CNOT6L: variants seen among roughly 807,000 people sequenced by gnomAD.
CNOT6L encodes CCR4-NOT transcription complex subunit 6-like.
A neutral mutation model predicts 64.0 loss-of-function variants in CNOT6L; 7 were observed. The observed-to-expected ratio is 0.11, with a 90% confidence interval of 0.06 to 0.21. CNOT6L has a LOEUF of 0.21. Among genes scored for constraint, CNOT6L ranks in the 10% least tolerant of loss-of-function variants. The probability of loss-of-function intolerance (pLI) is 1.00; values close to 1 mark genes in which losing one functional copy is unlikely to be tolerated. For missense variants in CNOT6L, 245 were observed against 669.0 expected (o/e 0.37, Z 6.99); for synonymous variants, 193 against 243.4 (o/e 0.79, Z 1.93).
Position 77,759,804 on chromosome 4 carries a change from G to C in CNOT6L, c.401-2853C>G, listed in dbSNP as rs181386814. ...AAACAGAACACTATCAACCAACTTG[G>C]CCTATTATTTACATAATACTCCACT... On this transcript the variant is annotated intron_variant, in intron 4 of 11. Transcript: ENST00000504123. Among the ~76,000 whole-genome samples, 11 of 152,088 alleles carry C rather than the reference G, an allele frequency of 7.2e-5. No homozygotes were observed. In the East Asian group the frequency reaches 2.1e-3, roughly 29 times the overall value.
Position 77,795,261 on chromosome 4 carries a change from C to T in CNOT6L, c.6-18869G>A, listed in dbSNP as rs149963404. On this transcript the variant is annotated intron_variant, in intron 1 of 11. Coordinates refer to ENST00000504123, the MANE Select transcript of CNOT6L (RefSeq NM_144571.3). Reference sequence around the variant, plus strand: ...CTCGAGCTCCTGACCTCAGGTGATCCACCCACCTCGGCCTCCCAAAGTGCT... The same window carrying T: ...CTCGAGCTCCTGACCTCAGGTGATCTACCCACCTCGGCCTCCCAAAGTGCT... 5.5e-3 allele frequency among the ~76,000 whole-genome samples: 836 copies of T among 152,164 alleles called. 9 individuals carry two copies. The highest frequency in any genetic ancestry group is 0.019 in the African/African-American group (784 of 41,514).
intron 4 of CNOT6L, among the ~76,000 whole-genome samples, chr4:77,763,493 A>G (rs1228257588): frequency 6.6e-6 from 1 of 152,150 alleles, no homozygotes; most frequent in East Asian, 1.9e-4. Flanking sequence ...TACCTAATAA[A>G]ATAAACCCAA....
chr4:77,784,790 C>T (rs1729255434), intron 1 of CNOT6L, among the ~76,000 whole-genome samples: 2 of 152,064 alleles, frequency 1.3e-5, no homozygotes, highest in East Asian at 1.9e-4. Context: ...AGCCTTCTTT[C>T]CACTTTTTTG....
At chr4:77,799,700 A>AT (rs1220471732) in intron 1 of CNOT6L, among the ~76,000 whole-genome samples, 22 of 106,896 alleles carry the variant, frequency 2.1e-4, no homozygotes, top group African/African-American at 8.1e-4. Flanking sequence ...GTGAAACTCC[A>AT]TCTCAAAAAA....
intron 2 of CNOT6L, among the ~76,000 whole-genome samples, chr4:77,775,093 G>A (rs1047884141): frequency 3.3e-5 from 5 of 152,168 alleles, no homozygotes; most frequent in Admixed American, 6.5e-5. Flanking sequence ...CTGCTATCTA[G>A]TGAGTAGAGG....
chr4:77,759,358 G>T (rs1725916908), intron 4 of CNOT6L, among the ~76,000 whole-genome samples: 1 of 151,902 alleles, frequency 6.6e-6, no homozygotes, highest in African/African-American at 2.4e-5. Flanking sequence ...GAGGTCAGGA[G>T]AGCGAAACCA....
intron 6 of CNOT6L, among the ~76,000 whole-genome samples, chr4:77,745,426 T>G (rs757457921): frequency 1.3e-5 from 2 of 152,208 alleles, no homozygotes; most frequent in Non-Finnish European, 2.9e-5. Context: ...AAAAAGACTG[T>G]GAGCAAACTA....
chr4:77,736,672 T>C lies in CNOT6L; in HGVS notation c.873-5134A>G, dbSNP rs141619846. 8.3e-4 allele frequency among the ~76,000 whole-genome samples: 127 copies of C among 152,310 alleles called. 1 individual carries two copies. In the East Asian group the frequency reaches 0.023, roughly 28 times the overall value. ...ACTTTCCAATCATTGTTCCAAGCCA[T>C]ACAGCCTTGGTAATACGGAAAATCT... On this transcript the variant is annotated intron_variant, in intron 8 of 11. Transcript: ENST00000504123.
upstream of CNOT6L, among the ~76,000 whole-genome samples, chr4:77,820,025 T>G (rs1734106995): frequency 6.6e-6 from 1 of 151,888 alleles, no homozygotes; most frequent in South Asian, 2.1e-4. Flanking sequence ...AGCCTGGCCT[T>G]GGCCTTGGCC....
In CNOT6L at chr4:77,714,570, T is replaced by A. The variant is rs1414443910; in HGVS notation, c.*5861A>T. 2 of 151,396 alleles carry A rather than the reference T, an allele frequency of 1.3e-5. No individual in the cohort carries two copies. The highest frequency in any genetic ancestry group is 1.3e-4 in the Admixed American group (2 of 15,046). The allele number at this position is 151,396 out of a possible 1,614,324, so 9.4% of individuals were successfully genotyped here. On this transcript the variant is annotated 3_prime_UTR_variant, in exon 12 of 12. Transcript: ENST00000504123. The stretch of plus-strand genomic sequence containing the variant: ...CCAAGTAGTTCTATTGAACTCTGTA[T>A]CTCAGCTTCTCCAAGATGAAAAAGT...
chr4:77,724,305 G>C (rs1484070007), intron 11 of CNOT6L, among the ~76,000 whole-genome samples: 1 of 148,934 alleles, frequency 6.7e-6, no homozygotes. Flanking sequence ...AGTCATGATT[G>C]TGCCACTCTA....
In CNOT6L at chr4:77,754,888, TAAAAAAA is replaced by T; in HGVS notation, c.490+1967_490+1973del. 6.0e-4 allele frequency among the ~76,000 whole-genome samples: 22 copies of T among 36,954 alleles called. 1 individual carries two copies. The highest frequency in any genetic ancestry group is 0.025 in the Middle Eastern group (1 of 40). 24.2% of individuals were successfully genotyped at this position (36,954 alleles called of 152,430 possible). A position where few individuals can be genotyped will look rare whatever the true frequency, so the allele number is the denominator to read the frequency against. The stretch of plus-strand genomic sequence containing the variant: ...AAAACCTAATTCTAAACATTAGAAG[TAAAAAAA>T]AAAAAAAAAAAAAAAAAACCGGTTT... On this transcript the variant is annotated intron_variant, in intron 5 of 11. Transcript: ENST00000504123.
chr4:77,758,951 A>C (rs1725862370), intron 4 of CNOT6L, among the ~76,000 whole-genome samples: 1 of 152,122 alleles, frequency 6.6e-6, no homozygotes, highest in African/African-American at 2.4e-5. Context: ...TCAAGTAGGG[A>C]AATAGTCAAC....
chr4:77,721,936 A>G lies in CNOT6L; in HGVS notation c.1456-1293T>C, dbSNP rs1200185143. Among the ~76,000 whole-genome samples the G allele has an allele frequency of 3.3e-5, 5 of 151,614 alleles. No homozygotes were observed. The East Asian group carries it at 9.8e-4, about 30-fold the overall frequency. On this transcript the variant is annotated intron_variant, in intron 11 of 11. Coordinates refer to ENST00000504123, the MANE Select transcript of CNOT6L (RefSeq NM_144571.3). ...ACTTATAATTGTCCCACTGCTTTCC[A>G]GCCTGGCTGACAGCAAGACTCTGTC...
At chr4:77,786,919 C>A (rs533547967) in intron 1 of CNOT6L, among the ~76,000 whole-genome samples, 1 of 152,288 alleles carries the variant, frequency 6.6e-6, no homozygotes, top group African/African-American at 2.4e-5. Context: ...TTTACTGAGT[C>A]TTTCCTATAA....
rs72864933 is a variant in CNOT6L at position 77,745,438 on chromosome 4, T to G, written c.560-563A>C. ...TATAAAAAGACTGTGAGCAAACTAA[T>G]AGTAGAAGATGGTTTGCATCCTTGC... On this transcript the variant is annotated intron_variant, in intron 6 of 11. Coordinates refer to ENST00000504123, the MANE Select transcript of CNOT6L (RefSeq NM_144571.3). 5.8e-4 allele frequency among the ~76,000 whole-genome samples: 88 copies of G among 152,296 alleles called. 1 individual carries two copies. The highest frequency in any genetic ancestry group is 2.0e-3 in the African/African-American group (84 of 41,562).
intron 1 of CNOT6L, among the ~76,000 whole-genome samples, chr4:77,795,975 A>G (rs1730792846): frequency 6.6e-6 from 1 of 152,080 alleles, no homozygotes; most frequent in Non-Finnish European, 1.5e-5. Context: ...ATTGAAAGTG[A>G]TCTTTTTTCT....
At chr4:77,749,726 G>C (rs1353612721) in intron 5 of CNOT6L, among the ~76,000 whole-genome samples, 2 of 152,172 alleles carry the variant, frequency 1.3e-5, no homozygotes, top group Admixed American at 6.5e-5. Context: ...TGTTACCCAA[G>C]TTCACGCAAA....
intron 4 of CNOT6L, among the ~76,000 whole-genome samples, chr4:77,762,310 T>C (rs1244596554): frequency 1.3e-5 from 2 of 152,170 alleles, no homozygotes; most frequent in Non-Finnish European, 2.9e-5. Context: ...TGGAAACTTA[T>C]AATCCCTGTA....
Sources: gnomAD v4.1 joint callset for allele counts (sites outside exome capture counted in the v4.1 genomes callset) on GRCh38, gnomAD v4.1.1 for gene constraint, MANE v1.5 for transcripts, NCBI Gene and HGNC (gene_info 2026-07-23, HGNC 2026-07-21) for gene names.